The following CAMK4 variants were observed in gnomAD, a reference collection of about 807,000 sequenced individuals.
CAMK4 encodes the protein calcium/calmodulin-dependent protein kinase type IV.
In CAMK4, 22 loss-of-function variants were observed where a neutral mutation model predicts 44.9. The observed-to-expected ratio is 0.49, with a 90% CI of 0.35 to 0.70. CAMK4 has a LOEUF of 0.70. CAMK4 is among the 30% of genes least tolerant of loss of function. The pLI is 0.01. For synonymous variants in CAMK4, 218 were observed against 215.4 expected, an observed-to-expected ratio of 1.01 and a Z score of -0.11; for missense variants, 498 against 586.8, an observed-to-expected ratio of 0.85 and a Z score of 1.56.
chr5:111,320,391 G>C (rs1420254479), intron 1 of CAMK4, among the ~76,000 whole-genome samples: 5 of 152,164 alleles, frequency 3.3e-5, no homozygotes, highest in African/African-American at 1.2e-4. Context: ...ATTTAAGAAA[G>C]CTATGGAGTA....
intron 9 of CAMK4, among the ~76,000 whole-genome samples, chr5:111,481,768 C>G (rs553027528): frequency 6.6e-6 from 1 of 152,146 alleles, no homozygotes; most frequent in Non-Finnish European, 1.5e-5. Flanking sequence ...AGGCAAGTCA[C>G]TAAATCTTTC....
At chr5:111,334,299 T>C (rs1749301885) in intron 1 of CAMK4, among the ~76,000 whole-genome samples, 2 of 151,584 alleles carry the variant, frequency 1.3e-5, no homozygotes, top group African/African-American at 4.8e-5. Flanking sequence ...GTAGCTTTCC[T>C]CCAGTTGTTT....
chr5:111,333,954 G>A (rs1351038226), intron 1 of CAMK4, among the ~76,000 whole-genome samples: 1 of 151,442 alleles, frequency 6.6e-6, no homozygotes, highest in Non-Finnish European at 1.5e-5. Context: ...CCAAAAAGTT[G>A]ACGTAAGGCA....
intron 7 of CAMK4, among the ~76,000 whole-genome samples, chr5:111,468,221 G>C (rs1009658181): frequency 2.6e-5 from 4 of 152,104 alleles, no homozygotes; most frequent in Admixed American, 2.0e-4. Context: ...TGGGTACAGT[G>C]TACAATGCTC....
At chr5:111,405,957 G>T (rs1752409202) in intron 5 of CAMK4, among the ~76,000 whole-genome samples, 1 of 152,134 alleles carries the variant, frequency 6.6e-6, no homozygotes, top group African/African-American at 2.4e-5. Context: ...GAAGAGTTGG[G>T]TATAATGAAA....
intron 2 of CAMK4, among the ~76,000 whole-genome samples, chr5:111,367,173 A>C (rs439701): frequency 0.87 from 129,546 of 148,326 alleles, 56,860 homozygotes; most frequent in East Asian, 1. Flanking sequence ...TAATAAACAG[A>C]AATGTATTTG....
chr5:111,312,183 C>T (rs561220674), intron 1 of CAMK4, among the ~76,000 whole-genome samples: 1 of 152,070 alleles, frequency 6.6e-6, no homozygotes, highest in Non-Finnish European at 1.5e-5. Context: ...CAGCTGGATG[C>T]CAAGACCTTA....
intron 1 of CAMK4, among the ~76,000 whole-genome samples, chr5:111,322,432 A>G (rs748639245): frequency 2.7e-4 from 41 of 152,128 alleles, no homozygotes; most frequent in Non-Finnish European, 7.4e-5. Context: ...ATCAAAATTC[A>G]AATAGTTTTA....
intron 1 of CAMK4, among the ~76,000 whole-genome samples, chr5:111,244,216 C>A (rs570689202): frequency 2.0e-5 from 3 of 152,180 alleles, no homozygotes; most frequent in African/African-American, 7.2e-5. Context: ...GAAACTATTA[C>A]AGATTTAGAT....
chr5:111,401,914 A>G (rs1752242904), intron 5 of CAMK4, among the ~76,000 whole-genome samples: 1 of 152,190 alleles, frequency 6.6e-6, no homozygotes, highest in African/African-American at 2.4e-5. Context: ...GGAATTTCCC[A>G]TGAAGCTGGA....
chr5:111,344,174 A>G, intron 2 of CAMK4, 72 bp downstream of exon 2: 2 of 927,056 alleles, frequency 2.2e-6, no homozygotes, highest in Non-Finnish European at 3.5e-6. Flanking sequence ...CCTGATTTGA[A>G]GAACAAAGGG....
chr5:111,368,913 T>C (rs553432820), intron 2 of CAMK4, among the ~76,000 whole-genome samples: 1 of 152,062 alleles, frequency 6.6e-6, no homozygotes, highest in Admixed American at 6.5e-5. Context: ...TTGACATTTT[T>C]CTTTCATTTA....
intron 5 of CAMK4, among the ~76,000 whole-genome samples, chr5:111,416,218 A>T (rs1752808405): frequency 6.6e-6 from 1 of 152,164 alleles, no homozygotes; most frequent in South Asian, 2.1e-4. Context: ...TAAACTATGC[A>T]TATATATGAA....
rs73214499 is a variant in CAMK4 at position 111,370,469 on chromosome 5, G to A, written c.241-4381G>A. ...TGATCAGAAATATCTGAAAAATGGC[G>A]GGTGTGGGAGTGGGAGAAACCTGTA... On this transcript the variant is annotated intron_variant, in intron 2 of 10. Coordinates refer to ENST00000282356, the MANE Select transcript of CAMK4 (RefSeq NM_001744.6). Among the ~76,000 whole-genome samples, 402 of 152,160 alleles carry A rather than the reference G, an allele frequency of 2.6e-3. 1 individual carries two copies. Among genetic ancestry groups the A allele is most frequent in the African/African-American group, 9.5e-3 (393 of 41,524 alleles).
chr5:111,294,385 CAT>C (rs1323468669), intron 1 of CAMK4, among the ~76,000 whole-genome samples: 1 of 152,192 alleles, frequency 6.6e-6, no homozygotes, highest in Admixed American at 6.5e-5. Context: ...TGCACATACA[CAT>C]GTGCATACTT....
intron 5 of CAMK4, among the ~76,000 whole-genome samples, chr5:111,414,267 T>C (rs182049829): frequency 1.7e-4 from 26 of 152,294 alleles, no homozygotes; most frequent in African/African-American, 6.3e-4. Context: ...ATTTAGTTCT[T>C]TGTACCAGTA....
intron 5 of CAMK4, among the ~76,000 whole-genome samples, chr5:111,420,831 C>T (rs1201079750): frequency 2.0e-5 from 3 of 152,196 alleles, no homozygotes; most frequent in Admixed American, 1.3e-4. Flanking sequence ...ATTCCCTGAA[C>T]AATTGCTGTT....
chr5:111,374,430 T>C (rs1024140150), intron 2 of CAMK4, among the ~76,000 whole-genome samples: 1 of 152,054 alleles, frequency 6.6e-6, no homozygotes, highest in Non-Finnish European at 1.5e-5. Flanking sequence ...GATACTCTTG[T>C]TGGGTAGGTT....
At chr5:111,374,359 T>G (rs980911367) in intron 2 of CAMK4, among the ~76,000 whole-genome samples, 1 of 152,152 alleles carries the variant, frequency 6.6e-6, no homozygotes, top group Non-Finnish European at 1.5e-5. Context: ...GAGAGGCTCC[T>G]GACTGGGATG....
Sources: gnomAD v4.1 joint callset for allele counts (sites outside exome capture counted in the v4.1 genomes callset) on GRCh38, gnomAD v4.1.1 for gene constraint, MANE v1.5 for transcripts, NCBI Gene and HGNC (gene_info 2026-07-23, HGNC 2026-07-21) for gene names.